Variants in SOS1 observed in about 807,000 individuals in gnomAD.
SOS1 encodes son of sevenless homolog 1.
A neutral mutation model predicts 157.6 loss-of-function variants in SOS1; 25 were observed. The observed-to-expected ratio is 0.16, with a 90% CI of 0.12 to 0.22. SOS1 has a LOEUF of 0.22. SOS1 is among the 10% of genes least tolerant of loss of function. The pLI, the probability that SOS1 is intolerant of heterozygous loss-of-function variation, is 1.00. For synonymous variants in SOS1, 528 were observed against 534.0 expected, an observed-to-expected ratio of 0.99 and a Z score of 0.16; for missense variants, 1,237 against 1,599.1, an observed-to-expected ratio of 0.77 and a Z score of 3.86.
intron 22 of SOS1, among the ~76,000 whole-genome samples, chr2:38,986,887 G>A (rs1339851841): frequency 6.6e-6 from 1 of 152,078 alleles, no homozygotes; most frequent in African/African-American, 2.4e-5. Flanking sequence ...TCTACAAAGA[G>A]TGTCTTGTCT....
chr2:39,079,066 A>C (rs1672115769), intron 1 of SOS1, among the ~76,000 whole-genome samples: 3 of 149,582 alleles, frequency 2.0e-5, no homozygotes, highest in African/African-American at 7.4e-5. Flanking sequence ...GTCTCCCAAA[A>C]AAAAAAAAAA....
intron 20 of SOS1, among the ~76,000 whole-genome samples, chr2:38,994,587 T>C (rs1668833721): frequency 6.6e-6 from 1 of 152,198 alleles, no homozygotes; most frequent in South Asian, 2.1e-4. Flanking sequence ...GTTCTGGACT[T>C]CAGAATATTA....
In SOS1 at chr2:39,003,038, G is replaced by C. The variant is rs74737593; in HGVS notation, c.2791+3374C>G. 8.8e-5 allele frequency among the ~76,000 whole-genome samples: 12 copies of C among 136,578 alleles called. No homozygotes were observed. In the South Asian group the frequency reaches 2.6e-3, roughly 30 times the overall value. 89.6% of individuals were successfully genotyped at this position (136,578 alleles called of 152,430 possible). A position where few individuals can be genotyped will look rare whatever the true frequency, so the allele number is the denominator to read the frequency against. ...CAAGATGGTGCCACTGTACTCTCTA[G>C]CCTGGGTGATAAAGTGAGACCTTGT... On this transcript the variant is annotated intron_variant, in intron 17 of 22. Transcript: ENST00000402219.
In SOS1 at chr2:39,013,525, A is replaced by G; in HGVS notation, c.2102T>C (p.Phe701Ser). 4.3e-6 allele frequency: 7 copies of G among 1,612,532 alleles called. No individual in the cohort carries two copies. The highest frequency in any genetic ancestry group is 5.9e-6 in the Non-Finnish European group (7 of 1,178,702). ...ATATGCATCTCTTTCAAAATCATAG[A>G]AGTGGTGCTCTACCCAGTGCCGACA... ...NVCRHWVEHH[F>S]YDFERDAYLL... The change falls in exon 13 of 23, where the codon TTC (phenylalanine) becomes TCC (serine). Residue 701 changes from phenylalanine to serine, a missense_variant. Physicochemically the swap from Phe to Ser is radical, Grantham distance 155 (BLOSUM62 -2). This residue lies in a region of SOS1 where 42 missense variants were observed against 80.4 expected (regional missense o/e 0.52). Coordinates refer to ENST00000402219, the MANE Select transcript of SOS1 (RefSeq NM_005633.4).
intron 6 of SOS1, among the ~76,000 whole-genome samples, chr2:39,037,041 G>A (rs1670380581): frequency 6.6e-6 from 1 of 152,154 alleles, no homozygotes; most frequent in South Asian, 2.1e-4. Context: ...GTGAGTTCTG[G>A]TTGTTGCATT....
At chr2:39,086,019 A>T (rs991282247) in intron 1 of SOS1, among the ~76,000 whole-genome samples, 2 of 152,214 alleles carry the variant, frequency 1.3e-5, no homozygotes, top group Non-Finnish European at 2.9e-5. Flanking sequence ...CAATTACCAG[A>T]GTGTAACCCT....
At chr2:39,120,307 CG>C (rs1487640205) in intron 1 of SOS1, 28 bp downstream of exon 1, 1 of 1,549,356 alleles carries the variant, frequency 6.5e-7, no homozygotes. Context: ...GGGCTGCGGC[CG>C]GGAAGCGGGG....
intron 6 of SOS1, among the ~76,000 whole-genome samples, chr2:39,039,478 T>A (rs1670479602): frequency 6.6e-6 from 1 of 152,248 alleles, no homozygotes; most frequent in East Asian, 1.9e-4. Flanking sequence ...AGCCTGATGT[T>A]GTGAGACTAT....
upstream of SOS1, among the ~76,000 whole-genome samples, chr2:39,123,712 G>A (rs182798831): frequency 1.2e-4 from 19 of 152,196 alleles, no homozygotes; most frequent in Admixed American, 9.2e-4. Flanking sequence ...GTATCCCCGG[G>A]GCCTACAATG....
At chr2:39,085,484 G>A (rs542545096) in intron 1 of SOS1, among the ~76,000 whole-genome samples, 1 of 152,326 alleles carries the variant, frequency 6.6e-6, no homozygotes, top group African/African-American at 2.4e-5. Flanking sequence ...TAGCAACTGT[G>A]ATCCAAGTGT....
intron 17 of SOS1, among the ~76,000 whole-genome samples, chr2:39,004,784 T>A (rs1357260255): frequency 6.6e-6 from 1 of 151,672 alleles, no homozygotes; most frequent in Admixed American, 6.6e-5. Flanking sequence ...TATTAAAGAA[T>A]GTATGAAAAA....
At chr2:39,003,934 C>T (rs1669196346) in intron 17 of SOS1, among the ~76,000 whole-genome samples, 1 of 152,182 alleles carries the variant, frequency 6.6e-6, no homozygotes, top group Non-Finnish European at 1.5e-5. Flanking sequence ...TCTCTATCCT[C>T]TACCCACTAG....
rs765727189 is a variant in SOS1, at chr2:38,995,148, G to A, written c.3321C>T (p.Ser1107=). ...TTGAGTGAAAAGGGCTCGAATGATC[G>A]GAATCAAATACACTGCAAACATCTG... ...STTDVCSVFD[S]DHSSPFHSSN... The change falls in exon 20 of 23, where the codon TCC becomes TCT. Residue 1107 remains serine, a synonymous_variant. Coordinates refer to ENST00000402219, the MANE Select transcript of SOS1 (RefSeq NM_005633.4). 2.5e-6 allele frequency: 4 copies of A among 1,613,762 alleles called. No homozygotes were observed. The highest frequency in any genetic ancestry group is 3.4e-6 in the Non-Finnish European group (4 of 1,179,898).
At chr2:39,037,570 ACTTCACTTTATGGTG>A (rs1480755911) in intron 6 of SOS1, among the ~76,000 whole-genome samples, 9 of 151,996 alleles carry the variant, frequency 5.9e-5, no homozygotes, top group African/African-American at 1.9e-4. Context: ...ATGCAGGTAC[ACTTCACTTTATGGTG>A]CTTCACTTTA....
intron 1 of SOS1, among the ~76,000 whole-genome samples, chr2:39,069,367 G>T (rs1671717710): frequency 6.6e-6 from 1 of 151,846 alleles, no homozygotes; most frequent in African/African-American, 2.4e-5. Context: ...CCAACAGAGG[G>T]AGACCCTGTC....
intron 6 of SOS1, among the ~76,000 whole-genome samples, chr2:39,045,139 TA>T (rs994943358): frequency 6.6e-6 from 1 of 152,146 alleles, no homozygotes; most frequent in Non-Finnish European, 1.5e-5. Context: ...CAATTATGCT[TA>T]TTTTTCCCCA....
chr2:39,077,610 A>G (rs1558503014), intron 1 of SOS1, among the ~76,000 whole-genome samples: 1 of 152,162 alleles, frequency 6.6e-6, no homozygotes, highest in Non-Finnish European at 1.5e-5. Context: ...CGCTACAGTG[A>G]TTAAGATACT....
Position 39,111,989 on chromosome 2 carries a change from A to G in SOS1, c.87+8347T>C, listed in dbSNP as rs553832353. Among the ~76,000 whole-genome samples, 9 of 151,260 alleles carry G rather than the reference A, an allele frequency of 6.0e-5. No individual in the cohort carries two copies. In the South Asian group the frequency reaches 8.4e-4, roughly 14 times the overall value. Reference sequence around the variant, plus strand: ...AAGTGATCTGCCCTCCTTGGCCTCTATCTCTGGAATCTTAAAACTCCAAAA... The same window carrying G: ...AAGTGATCTGCCCTCCTTGGCCTCTGTCTCTGGAATCTTAAAACTCCAAAA... On this transcript the variant is annotated intron_variant, in intron 1 of 22. Transcript: ENST00000402219.
chr2:39,014,346 T>C (rs1202830519), intron 11 of SOS1, among the ~76,000 whole-genome samples: 2 of 152,100 alleles, frequency 1.3e-5, no homozygotes, highest in Non-Finnish European at 2.9e-5. Flanking sequence ...TTAAGGGTAA[T>C]TCCAGAAAAA....
Sources: gnomAD v4.1 joint callset for allele counts (sites outside exome capture counted in the v4.1 genomes callset) on GRCh38, gnomAD v4.1.1 for gene constraint, gnomAD v4.1.1 regional missense constraint, MANE v1.5 for transcripts, NCBI Gene and HGNC (gene_info 2026-07-23, HGNC 2026-07-21) for gene names.